Variants in LRP1B observed in about 807,000 individuals in gnomAD.
The protein encoded by LRP1B is LDL receptor related protein 1B.
A neutral mutation model predicts 556.6 loss-of-function variants in LRP1B; 217 were observed. The observed-to-expected ratio is 0.39, with a 90% CI of 0.35 to 0.44. LRP1B has a LOEUF of 0.44. Among genes scored for constraint, LRP1B ranks in the 20% least tolerant of loss-of-function variants. The probability of loss-of-function intolerance (pLI) is 1.00; values close to 1 mark genes in which losing one functional copy is unlikely to be tolerated. For synonymous variants in LRP1B, 2,047 were observed against 1,865.8 expected, an observed-to-expected ratio of 1.10 and a Z score of -2.50; for missense variants, 5,053 against 5,620.8, an observed-to-expected ratio of 0.90 and a Z score of 3.23.
At chr2:140,859,517 G>C (rs753275875) in intron 27 of LRP1B, among the ~76,000 whole-genome samples, 1 of 151,854 alleles carries the variant, frequency 6.6e-6, no homozygotes, top group Non-Finnish European at 1.5e-5. Context: ...AAATCATTTC[G>C]ATGTTAAACT....
chr2:140,557,796 A>G (rs567829056), intron 43 of LRP1B, among the ~76,000 whole-genome samples: 1 of 152,260 alleles, frequency 6.6e-6, no homozygotes, highest in African/African-American at 2.4e-5. Context: ...GCTTATCTTG[A>G]GTTCCCTATT....
At chr2:141,560,298 CA>C (rs1686098954) in intron 2 of LRP1B, among the ~76,000 whole-genome samples, 1 of 151,712 alleles carries the variant, frequency 6.6e-6, no homozygotes, top group East Asian at 1.9e-4. Flanking sequence ...AGGAAAGAAA[CA>C]AAAGTATACT....
intron 2 of LRP1B, among the ~76,000 whole-genome samples, chr2:141,682,085 A>T (rs1691125102): frequency 6.6e-6 from 1 of 152,114 alleles, no homozygotes; most frequent in African/African-American, 2.4e-5. Flanking sequence ...AGAGAAAAGT[A>T]AGGGGGGAAC....
intron 1 of LRP1B, among the ~76,000 whole-genome samples, chr2:141,959,024 A>C (rs1269986364): frequency 6.6e-6 from 1 of 151,994 alleles, no homozygotes; most frequent in Non-Finnish European, 1.5e-5. Context: ...TTAATAAGTA[A>C]ATTAATCAGC....
rs1393475352 is a variant in LRP1B, at chr2:141,893,062, G to T, written c.83-82661C>A. 3.9e-5 allele frequency among the ~76,000 whole-genome samples: 6 copies of T among 152,020 alleles called. No individual in the cohort carries two copies. In the South Asian group the frequency reaches 1.2e-3, roughly 32 times the overall value. On this transcript the variant is annotated intron_variant, in intron 1 of 90. Coordinates refer to ENST00000389484, the MANE Select transcript of LRP1B (RefSeq NM_018557.3). ...GACACAATCTCATATAAACCTTTTT[G>T]TCATGTTCAACTGGGTCTATTTAAA...
At chr2:140,902,862 T>G (rs1694143946) in intron 23 of LRP1B, 58 bp downstream of exon 23, 4 of 1,561,446 alleles carry the variant, frequency 2.6e-6, no homozygotes, top group Non-Finnish European at 3.5e-6. Context: ...AGTTTTGGGA[T>G]TTGTTTCTTT....
chr2:141,031,923 C>T (rs1452451716), intron 11 of LRP1B, among the ~76,000 whole-genome samples: 3 of 145,260 alleles, frequency 2.1e-5, no homozygotes, highest in Non-Finnish European at 4.6e-5. Flanking sequence ...CTAGATGCAC[C>T]AAAAAAAAAA....
At chr2:142,064,582 T>G (rs1017917159) in intron 1 of LRP1B, among the ~76,000 whole-genome samples, 1 of 151,478 alleles carries the variant, frequency 6.6e-6, no homozygotes, top group Non-Finnish European at 1.5e-5. Context: ...AATGCACACT[T>G]CTTCCTGTCT....
chr2:140,518,563 T>C (rs1690017050), intron 49 of LRP1B, among the ~76,000 whole-genome samples: 1 of 152,206 alleles, frequency 6.6e-6, no homozygotes, highest in African/African-American at 2.4e-5. Context: ...AGGTAAAGAA[T>C]GTGTTGTTGT....
intron 2 of LRP1B, among the ~76,000 whole-genome samples, chr2:141,539,119 T>C (rs1230514379): frequency 2.0e-5 from 3 of 152,194 alleles, no homozygotes; most frequent in Non-Finnish European, 2.9e-5. Context: ...CAATGATTTA[T>C]GTGGTACCAA....
At chr2:141,093,822 C>T (rs1700230608) in intron 7 of LRP1B, among the ~76,000 whole-genome samples, 1 of 152,076 alleles carries the variant, frequency 6.6e-6, no homozygotes, top group Non-Finnish European at 1.5e-5. Context: ...TCAATCAATT[C>T]TCCTGTCTCA....
chr2:140,529,750 G>A (rs139253108), intron 47 of LRP1B, among the ~76,000 whole-genome samples: 627 of 152,066 alleles, frequency 4.1e-3, no homozygotes, highest in African/African-American at 0.015. Context: ...CCCAAAGGGA[G>A]CAGTCTGTAC....
intron 1 of LRP1B, among the ~76,000 whole-genome samples, chr2:141,823,673 G>A (rs1696829614): frequency 6.6e-6 from 1 of 152,084 alleles, no homozygotes; most frequent in South Asian, 2.1e-4. Context: ...CTAAGATTTT[G>A]CTGTTGTTAT....
chr2:141,778,982 A>G (rs12474567), intron 2 of LRP1B, among the ~76,000 whole-genome samples: 92,567 of 152,000 alleles, frequency 0.61, 28,392 homozygotes, highest in Admixed American at 0.67. Context: ...ATGTCTTACT[A>G]TACCTCAGTA....
intron 17 of LRP1B, among the ~76,000 whole-genome samples, chr2:140,988,242 G>C (rs982451830): frequency 6.6e-6 from 1 of 151,994 alleles, no homozygotes; most frequent in Non-Finnish European, 1.5e-5. Flanking sequence ...TAGCTTGGAG[G>C]GTAGGGACTT....
chr2:140,238,111 G>C (rs1483480985), intron 89 of LRP1B, 41 bp downstream of exon 89: 1 of 1,519,718 alleles, frequency 6.6e-7, no homozygotes, highest in Non-Finnish European at 8.9e-7. Flanking sequence ...TGCGACTCAA[G>C]AATGTTAGTG....
intron 3 of LRP1B, among the ~76,000 whole-genome samples, chr2:141,387,104 G>A (rs1689859213): frequency 1.3e-5 from 2 of 151,850 alleles, no homozygotes; most frequent in Admixed American, 6.6e-5. Flanking sequence ...CAACCAATGA[G>A]TCAATGAAGA....
At chr2:141,036,086 A>C (rs932488829) in intron 11 of LRP1B, among the ~76,000 whole-genome samples, 1 of 152,124 alleles carries the variant, frequency 6.6e-6, no homozygotes. Context: ...TCACAAATTT[A>C]CTTGAATCCA....
chr2:142,053,019 G>A (rs1704519431), intron 1 of LRP1B, among the ~76,000 whole-genome samples: 1 of 152,008 alleles, frequency 6.6e-6, no homozygotes, highest in South Asian at 2.1e-4. Context: ...TAGTTGCTTA[G>A]ATCCATCATA....
Sources: gnomAD v4.1 joint callset for allele counts (sites outside exome capture counted in the v4.1 genomes callset) on GRCh38, gnomAD v4.1.1 for gene constraint, MANE v1.5 for transcripts, NCBI Gene and HGNC (gene_info 2026-07-23, HGNC 2026-07-21) for gene names.